ATOH8: variants seen among roughly 807,000 people sequenced by gnomAD.
ATOH8 encodes transcription factor ATOH8.
A neutral mutation model predicts 21.2 loss-of-function variants in ATOH8; 9 were observed. The observed-to-expected ratio is 0.42, with a 90% CI of 0.26 to 0.74. The LOEUF (loss-of-function observed/expected upper bound fraction) is 0.74, where lower values mean the gene tolerates loss of function less well. ATOH8 is among the 30% of genes least tolerant of loss of function. ATOH8 has a pLI of 0.24. For synonymous variants in ATOH8, 253 were observed against 224.0 expected (o/e 1.13, Z -1.16); for missense variants, 524 against 470.9 (o/e 1.11, Z -1.04).
intron 2 of ATOH8, among the ~76,000 whole-genome samples, chr2:85,776,687 A>G (rs1680331563): frequency 6.6e-6 from 1 of 152,042 alleles, no homozygotes; most frequent in South Asian, 2.1e-4. Context: ...CGGCTGATTG[A>G]CTTCAAGGAT....
rs888716417 is a variant in ATOH8, at chr2:85,785,328, G to A, written c.961-1557G>A. ...CTTCTTAATCCTCCTCCTCAGACTC[G>A]GTAACACAAAGCAGATTCCTGCTGG... is the stretch of plus-strand genomic sequence containing the variant. On this transcript the variant is annotated intron_variant, in intron 2 of 2. Transcript: ENST00000306279. The surrounding 1 kb of genome is among the most constrained non-coding windows in gnomAD (Gnocchi z 4.1). Among the ~76,000 whole-genome samples the A allele has an allele frequency of 1.9e-4, 29 of 152,242 alleles. No individual in the cohort carries two copies. Among genetic ancestry groups the A allele is most frequent in the Admixed American group, 1.7e-3 (26 of 15,290 alleles).
rs780937721 is a variant in ATOH8 at position 85,754,969 on chromosome 2, C to G, written c.768+12C>G. 1.9e-6 allele frequency: 3 copies of G among 1,578,908 alleles called. No homozygotes were observed. The African/African-American group carries it at 4.1e-5, about 21-fold the overall frequency. On this transcript the variant is annotated intron_variant, in intron 1 of 2. Coordinates refer to ENST00000306279, the MANE Select transcript of ATOH8 (RefSeq NM_032827.7). Reference sequence around the variant, plus strand: ...CGCTCAGGAAGCAGGTACCCGCTCGCCGCCGCACGCCCTCACTGCGCCGGG... The same window carrying G: ...CGCTCAGGAAGCAGGTACCCGCTCGGCGCCGCACGCCCTCACTGCGCCGGG...
At chr2:85,757,958 T>G (rs1353415394) in intron 1 of ATOH8, among the ~76,000 whole-genome samples, 1 of 151,962 alleles carries the variant, frequency 6.6e-6, no homozygotes, top group Non-Finnish European at 1.5e-5. Flanking sequence ...GGTAATTTTT[T>G]GTATTTTAGT....
chr2:85,754,762 C>T lies in ATOH8; in HGVS notation c.573C>T (p.Ser191=), dbSNP rs1427552232. Reference sequence around the variant, plus strand: ...CCCCGACGCGCCCCGGGGAAAGTTCCTACTCGTCAATTTCACACGTAATTT... The same window carrying T: ...CCCCGACGCGCCCCGGGGAAAGTTCTTACTCGTCAATTTCACACGTAATTT... ...PAPPTRPGES[S]YSSISHVIYN... is the part of the protein sequence containing the mutation. The change falls in exon 1 of 3, where the codon TCC becomes TCT. Residue 191 remains serine, a synonymous_variant. Transcript: ENST00000306279. 3 of 1,612,964 alleles carry T rather than the reference C, an allele frequency of 1.9e-6. No individual in the cohort carries two copies. The highest frequency in any genetic ancestry group is 1.7e-6 in the Non-Finnish European group (2 of 1,179,854).
intron 2 of ATOH8, chr2:85,774,523 T>C: frequency 2.0e-6 from 2 of 985,452 alleles, no homozygotes; most frequent in South Asian, 9.4e-5. Flanking sequence ...GGAGCCATTC[T>C]CTCCTTTAAC....
rs76327513 is a variant in ATOH8 at position 85,784,550 on chromosome 2, A to G, written c.961-2335A>G. Among the ~76,000 whole-genome samples the G allele has an allele frequency of 1.6e-3, 237 of 152,250 alleles. 4 individuals are homozygous for G. In the East Asian group the frequency reaches 0.022, roughly 14 times the overall value. On this transcript the variant is annotated intron_variant, in intron 2 of 2. Coordinates refer to ENST00000306279, the MANE Select transcript of ATOH8 (RefSeq NM_032827.7). The stretch of plus-strand genomic sequence containing the variant: ...GAGTGAGACCCTGTTTCAAAAAAAA[A>G]AAGTCAGTTGGGAAACTGGGTCATT...
chr2:85,782,280 T>A (rs1222043902), intron 2 of ATOH8, among the ~76,000 whole-genome samples: 1 of 152,292 alleles, frequency 6.6e-6, no homozygotes, highest in South Asian at 2.1e-4. Flanking sequence ...ATACAAAAAA[T>A]GTATAATTTG....
chr2:85,763,146 T>A, intron 1 of ATOH8, among the ~76,000 whole-genome samples: 1 of 152,178 alleles, frequency 6.6e-6, no homozygotes, highest in East Asian at 1.9e-4. Flanking sequence ...ATCAGGTTGA[T>A]TTTGTGGAGC....
rs1000232228 is a variant in ATOH8, at chr2:85,788,231, C to T, written c.*1341C>T. Among the ~76,000 whole-genome samples, 8 of 151,856 alleles carry T rather than the reference C, an allele frequency of 5.3e-5. No individual in the cohort carries two copies. The highest frequency in any genetic ancestry group is 1.0e-4 in the Non-Finnish European group (7 of 67,946). ...TCTGTGTGTGGAAGGGGGTGGAGGG[C>T]GGTTCCCACAGTAGTCTCAGCCTGG... On this transcript the variant is annotated 3_prime_UTR_variant, in exon 3 of 3. Coordinates refer to ENST00000306279, the MANE Select transcript of ATOH8 (RefSeq NM_032827.7).
intron 2 of ATOH8, chr2:85,774,416 C>T (rs1383583908): frequency 4.1e-6 from 4 of 985,434 alleles, no homozygotes; most frequent in Non-Finnish European, 4.8e-6. Flanking sequence ...AGGCCATGCC[C>T]TTTCTACCTG....
At chr2:85,779,498 C>T (rs1194910950) in intron 2 of ATOH8, among the ~76,000 whole-genome samples, 1 of 152,252 alleles carries the variant, frequency 6.6e-6, no homozygotes, top group Admixed American at 6.5e-5. Flanking sequence ...CTCCTCTAAG[C>T]TCTGGCCCTG....
At chr2:85,755,764 GGAC>G (rs1679673965) in intron 1 of ATOH8, among the ~76,000 whole-genome samples, 1 of 152,148 alleles carries the variant, frequency 6.6e-6, no homozygotes, top group Non-Finnish European at 1.5e-5. Context: ...TGGTGGGGCG[GGAC>G]AATCGCTTGG....
chr2:85,754,800 A>G lies in ATOH8; in HGVS notation c.611A>G (p.Gln204Arg). The change falls in exon 1 of 3, where the codon CAG (glutamine) becomes CGG (arginine). Residue 204 changes from glutamine (Q) to arginine (R), a missense_variant. Gln to Arg is a conservative substitution (Grantham distance 43). Coordinates refer to ENST00000306279, the MANE Select transcript of ATOH8 (RefSeq NM_032827.7). ...TCACACGTAATTTACAATAACCACC[A>G]GGATTCCTCCGCGTCGCCTAGGAAA... ...SISHVIYNNH[Q>R]DSSASPRKRP... is the part of the protein sequence containing the mutation. 6.2e-7 allele frequency: 1 copy of G among 1,612,930 alleles called. No homozygotes were observed. Among genetic ancestry groups the G allele is most frequent in the South Asian group, 1.1e-5 (1 of 91,084 alleles).
chr2:85,758,210 A>G (rs1314046882), intron 1 of ATOH8, among the ~76,000 whole-genome samples: 1 of 152,214 alleles, frequency 6.6e-6, no homozygotes, highest in African/African-American at 2.4e-5. Flanking sequence ...CATTCATCAC[A>G]TGCTTACTTT....
intron 2 of ATOH8, among the ~76,000 whole-genome samples, chr2:85,770,958 C>G (rs1217536982): frequency 6.6e-6 from 1 of 152,136 alleles, no homozygotes; most frequent in Admixed American, 6.5e-5. Flanking sequence ...GGGAAGTCCC[C>G]TCTGATGCCC....
intron 2 of ATOH8, among the ~76,000 whole-genome samples, chr2:85,779,383 A>T (rs914932570): frequency 2.2e-4 from 34 of 152,262 alleles, no homozygotes; most frequent in Non-Finnish European, 5.9e-5. Flanking sequence ...TGGCAGAGAC[A>T]CACAGGCAGA....
intron 2 of ATOH8, among the ~76,000 whole-genome samples, chr2:85,768,572 T>G (rs1680089799): frequency 6.6e-6 from 1 of 152,210 alleles, no homozygotes; most frequent in South Asian, 2.1e-4. Context: ...TCAGAGCTAC[T>G]GTGTCCAAAA....
chr2:85,754,738 C>G lies in ATOH8; in HGVS notation c.549C>G (p.Pro183=), dbSNP rs529645303. 4 of 1,612,660 alleles carry G rather than the reference C, an allele frequency of 2.5e-6. No individual in the cohort carries two copies. Among genetic ancestry groups the G allele is most frequent in the East Asian group, 2.2e-5 (1 of 44,862 alleles). The stretch of plus-strand genomic sequence containing the variant: ...CGGAGTCCACTGTGCGCCCTGCGCC[C>G]CCGACGCGCCCCGGGGAAAGTTCCT... ...APPESTVRPA[P]PTRPGESSYS... The change falls in exon 1 of 3, where the codon CCC becomes CCG. Residue 183 remains proline, a synonymous_variant. Coordinates refer to ENST00000306279, the MANE Select transcript of ATOH8 (RefSeq NM_032827.7).
chr2:85,774,990 G>T, intron 2 of ATOH8: 1 of 985,250 alleles, frequency 1.0e-6, no homozygotes, highest in South Asian at 4.7e-5. Flanking sequence ...GGATGCTTTT[G>T]GTCTAATTCA....
Sources: gnomAD v4.1 joint callset for allele counts (sites outside exome capture counted in the v4.1 genomes callset) on GRCh38, gnomAD v4.1.1 for gene constraint, Gnocchi (gnomAD v3.1) non-coding constraint, MANE v1.5 for transcripts, NCBI Gene and HGNC (gene_info 2026-07-23, HGNC 2026-07-21) for gene names.